The following ANO10 variants were observed in gnomAD, a reference collection of about 807,000 sequenced individuals.
ANO10 encodes anoctamin-10.
Under a neutral mutation model 74.7 loss-of-function variants are expected in ANO10, and 77 were observed. The ratio of observed to expected loss-of-function variants is 1.03; its 90% CI spans 0.86 to 1.25. ANO10 has a LOEUF of 1.25. Ranked by LOEUF, ANO10 falls within the 50% of genes most tolerant of loss-of-function variation. The pLI is 0.00. For synonymous variants in ANO10, 279 were observed against 284.9 expected (o/e 0.98, Z 0.21); for missense variants, 721 against 778.1 (o/e 0.93, Z 0.87).
At chr3:43,553,300 A>G (rs1490100783) in intron 10 of ANO10, among the ~76,000 whole-genome samples, 1 of 152,080 alleles carries the variant, frequency 6.6e-6, no homozygotes, top group East Asian at 1.9e-4. Flanking sequence ...TCTTTGGTTT[A>G]TCTTGTTTGG....
intron 1 of ANO10, among the ~76,000 whole-genome samples, chr3:43,616,585 C>T (rs1387205564): frequency 6.6e-6 from 1 of 152,158 alleles, no homozygotes; most frequent in Non-Finnish European, 1.5e-5. Context: ...TTAGTGCAAG[C>T]TGGTAAGCCT....
rs899566156 is a variant in ANO10, at chr3:43,589,404, C to T, written c.473-8932G>A. On this transcript the variant is annotated intron_variant, in intron 4 of 12. Coordinates refer to ENST00000292246, the MANE Select transcript of ANO10 (RefSeq NM_018075.5). Reference sequence around the variant, plus strand: ...GCATTCCTTTATGAACTGAAGCAATCGGCTGGGCGCAGTGGCTCACACCTG... The same window carrying T: ...GCATTCCTTTATGAACTGAAGCAATTGGCTGGGCGCAGTGGCTCACACCTG... 9.2e-5 allele frequency among the ~76,000 whole-genome samples: 14 copies of T among 152,076 alleles called. No individual in the cohort carries two copies. In the East Asian group the frequency reaches 9.6e-4, roughly 10 times the overall value.
At chr3:43,630,692 T>C (rs1423716132) in intron 1 of ANO10, among the ~76,000 whole-genome samples, 1 of 152,218 alleles carries the variant, frequency 6.6e-6, no homozygotes, top group African/African-American at 2.4e-5. Context: ...CTAAGACTGC[T>C]CAAAACGTTA....
At chr3:43,401,800 T>C (rs981207999) in intron 12 of ANO10, among the ~76,000 whole-genome samples, 22 of 152,244 alleles carry the variant, frequency 1.4e-4, no homozygotes, top group African/African-American at 4.1e-4. Context: ...CTGGCATTCT[T>C]TGGAGCATCC....
At chr3:43,476,806 T>C (rs2076082860) in intron 11 of ANO10, among the ~76,000 whole-genome samples, 1 of 152,178 alleles carries the variant, frequency 6.6e-6, no homozygotes, top group African/African-American at 2.4e-5. Context: ...AAATGAAGAC[T>C]ATCCCCGAAT....
intron 11 of ANO10, among the ~76,000 whole-genome samples, chr3:43,504,868 C>T (rs1189275243): frequency 1.3e-5 from 2 of 152,146 alleles, no homozygotes; most frequent in Non-Finnish European, 2.9e-5. Flanking sequence ...TCTTGAACTC[C>T]TGACCTCGTA....
rs575168345 is a variant in ANO10, at chr3:43,668,888, G to A, written c.-12+22629C>T. On this transcript the variant is annotated intron_variant, in intron 1 of 3. Transcript: ENST00000413397. Reference sequence around the variant, plus strand: ...GTTTTTATATTCCATACTTTTTTTCGCTATTTTAATTGAGCATTAATTACA... The same window carrying A: ...GTTTTTATATTCCATACTTTTTTTCACTATTTTAATTGAGCATTAATTACA... 2.1e-3 allele frequency among the ~76,000 whole-genome samples: 324 copies of A among 151,042 alleles called. 1 individual carries two copies. Among genetic ancestry groups the A allele is most frequent in the Non-Finnish European group, 3.9e-3 (267 of 67,746 alleles).
chr3:43,494,228 C>T (rs1040274783), intron 11 of ANO10, among the ~76,000 whole-genome samples: 9 of 152,180 alleles, frequency 5.9e-5, no homozygotes, highest in East Asian at 5.8e-4. Context: ...CTGAGGCAGG[C>T]GGATCACCTG....
chr3:43,597,779 T>G (rs1002562693), intron 4 of ANO10, among the ~76,000 whole-genome samples: 6 of 151,616 alleles, frequency 4.0e-5, no homozygotes, highest in African/African-American at 1.2e-4. Context: ...AATAAAAAAT[T>G]TTTAAAAAGT....
At chr3:43,386,120 T>A (rs1208772690) in intron 12 of ANO10, among the ~76,000 whole-genome samples, 1 of 152,286 alleles carries the variant, frequency 6.6e-6, no homozygotes, top group Non-Finnish European at 1.5e-5. Flanking sequence ...GAGTCCTGCC[T>A]GAGGATTCTG....
At chr3:43,445,122 C>CAAAA (rs10689478) in intron 11 of ANO10, among the ~76,000 whole-genome samples, 8 of 91,472 alleles carry the variant, frequency 8.7e-5, no homozygotes, top group Admixed American at 4.0e-4. Context: ...GACTTTGCCT[C>CAAAA]AAAAAAAAAA....
intron 11 of ANO10, among the ~76,000 whole-genome samples, chr3:43,492,753 G>A (rs4264704): frequency 0.49 from 75,095 of 151,994 alleles, 20,650 homozygotes; most frequent in East Asian, 0.83. Context: ...TCTCATGCCA[G>A]TTAGAATGGT....
chr3:43,453,113 C>A (rs563331738), intron 11 of ANO10, among the ~76,000 whole-genome samples: 1 of 151,400 alleles, frequency 6.6e-6, no homozygotes, highest in Non-Finnish European at 1.5e-5. Flanking sequence ...TGCAACCTTT[C>A]TGTGGTGTCC....
At position 43,443,681 on chromosome 3, in the gene ANO10, T is replaced by TC. The variant is rs1280287211; in HGVS notation, c.1798-10955_1798-10954insG. ...AAAAGTATTTTACTTCCTTCCTTCT[T>TC]TTTTTTTTTTTTTTTTTTGACGGAG... On this transcript the variant is annotated intron_variant, in intron 11 of 12. Transcript: ENST00000292246. Among the ~76,000 whole-genome samples the TC allele has an allele frequency of 6.9e-5, 10 of 144,440 alleles. No homozygotes were observed. The South Asian group carries it at 8.9e-4, about 13-fold the overall frequency. The allele number at this position is 144,440 out of a possible 152,430, so 94.8% of individuals were successfully genotyped here. A position where few individuals can be genotyped will look rare whatever the true frequency, so the allele number is the denominator to read the frequency against.
At chr3:43,612,160 AT>A (rs1314746998) in intron 1 of ANO10, among the ~76,000 whole-genome samples, 6 of 129,532 alleles carry the variant, frequency 4.6e-5, no homozygotes, top group Non-Finnish European at 6.5e-5. Context: ...ATATATATAT[AT>A]ATATATATAT....
intron 11 of ANO10, among the ~76,000 whole-genome samples, chr3:43,488,027 T>C (rs1426511994): frequency 6.6e-6 from 1 of 152,132 alleles, no homozygotes; most frequent in East Asian, 1.9e-4. Context: ...TATCTACAAC[T>C]ATCTGATCTT....
rs150217270 is a variant in ANO10, at chr3:43,463,529, G to A, written c.1798-30802C>T. Among the ~76,000 whole-genome samples the A allele has an allele frequency of 2.0e-5, 3 of 152,336 alleles. No individual in the cohort carries two copies. In the East Asian group the frequency reaches 5.8e-4, roughly 29 times the overall value. On this transcript the variant is annotated intron_variant, in intron 11 of 12. Transcript: ENST00000292246. The stretch of plus-strand genomic sequence containing the variant: ...TGGAGTCAAAGGAGATCATTTTGGA[G>A]CTTTAAGATTTTACTGCCCTGCTGG...
chr3:43,436,615 C>T (rs1016460785), intron 11 of ANO10, among the ~76,000 whole-genome samples: 1 of 152,092 alleles, frequency 6.6e-6, no homozygotes, highest in Admixed American at 6.5e-5. Context: ...AAAAAAGTAA[C>T]AGGACCAGAG....
intron 12 of ANO10, among the ~76,000 whole-genome samples, chr3:43,404,579 G>C (rs1341004651): frequency 6.6e-6 from 1 of 152,130 alleles, no homozygotes; most frequent in African/African-American, 2.4e-5. Context: ...TTGTTACAGA[G>C]CAACAGAAAT....
Sources: gnomAD v4.1 joint callset for allele counts (sites outside exome capture counted in the v4.1 genomes callset) on GRCh38, gnomAD v4.1.1 for gene constraint, MANE v1.5 for transcripts, NCBI Gene and HGNC (gene_info 2026-07-23, HGNC 2026-07-21) for gene names.